Variants in HROB observed in about 807,000 individuals in gnomAD.
HROB encodes the protein homologous recombination OB-fold protein.
HROB carries 44 observed loss-of-function variants against 61.0 expected under a neutral mutation model. The ratio of observed to expected loss-of-function variants is 0.72; its 90% CI spans 0.57 to 0.93. The LOEUF is 0.93. HROB is among the 40% of genes least tolerant of loss of function. The pLI is 0.00. For synonymous variants in HROB, 301 were observed against 310.4 expected, an observed-to-expected ratio of 0.97 and a Z score of 0.32; for missense variants, 716 against 796.2, an observed-to-expected ratio of 0.90 and a Z score of 1.21.
rs762836620 is a variant in HROB, at chr17:44,148,223, TG to T, written c.421del (p.Glu141ArgfsTer62). On this transcript the variant is annotated frameshift_variant, in exon 3 of 10. Transcript: ENST00000585683. LOFTEE classifies it high-confidence loss of function. The part of the protein sequence containing the change: ...SSALHPLLTF[E>X]SQQQQVGGFE... ...CAGCCTTACACCCCCTACTCACCTT[TG>T]AGAGCCAACAGCAGCAAGTTGGTGG... 1.2e-6 allele frequency: 2 copies of T among 1,614,114 alleles called. No homozygotes were observed. The highest frequency in any genetic ancestry group is 3.3e-5 in the Admixed American group (2 of 60,008).
In HROB at chr17:44,150,930, G is replaced by A. The variant is rs200753464; in HGVS notation, c.1225-31G>A. The A allele has an allele frequency of 9.0e-6, 14 of 1,550,720 alleles. No individual in the cohort carries two copies. The African/African-American group carries it at 1.9e-4, about 21-fold the overall frequency. ...CTTGTAAATAACAGCTGCTAAGCTT[G>A]CTCTCATCTTCTCCTTCCCTCCCCT... is the stretch of plus-strand genomic sequence containing the variant. On this transcript the variant is annotated intron_variant, in intron 3 of 9. Coordinates refer to ENST00000585683, the MANE Select transcript of HROB (RefSeq NM_001171251.3).
chr17:44,145,329 T>G, intron 2 of HROB, 76 bp downstream of exon 2: 1 of 1,562,164 alleles, frequency 6.4e-7, no homozygotes, highest in Non-Finnish European at 8.8e-7. Context: ...ACATTTTGGA[T>G]TAGCCTGTAC....
intron 2 of HROB, among the ~76,000 whole-genome samples, chr17:44,146,269 C>A (rs1347459072): frequency 6.6e-6 from 1 of 152,144 alleles, no homozygotes; most frequent in Non-Finnish European, 1.5e-5. Context: ...AGGCTGGTCT[C>A]AAATTCCTGG....
In HROB at chr17:44,148,337, C is replaced by T. The variant is rs368399208; in HGVS notation, c.534C>T (p.Val178=). The T allele has an allele frequency of 4.2e-5, 68 of 1,614,008 alleles. No homozygotes were observed. The highest frequency in any genetic ancestry group is 1.6e-4 in the Middle Eastern group (1 of 6,084). The change falls in exon 3 of 10, where the codon GTC becomes GTT. Residue 178 remains valine, a synonymous_variant. Coordinates refer to ENST00000585683, the MANE Select transcript of HROB (RefSeq NM_001171251.3). The part of the protein sequence containing the change: ...EEPGMELECG[V]SSEAIPILPA... The stretch of plus-strand genomic sequence containing the variant: ...CTGGCATGGAGCTGGAATGTGGAGT[C>T]AGCAGTGAGGCCATACCAATCCTGC...
rs764219272 is a variant in HROB at position 44,145,204 on chromosome 17, C to T, written c.5C>T (p.Ala2Val). ...CCAGTTGGTTTTTTTTCTTTTCAGGCGTGCAGTTTGCAGAAGCTGTTTGCT... is the reference window on the plus strand; with the variant it reads ...CCAGTTGGTTTTTTTTCTTTTCAGGTGTGCAGTTTGCAGAAGCTGTTTGCT... M[A>V]CSLQKLFAVE... The change falls in exon 2 of 10, where the codon GCG becomes GTG. Residue 2 changes from alanine to valine, a missense_variant and splice_region_variant. Ala to Val is a moderately conservative substitution (Grantham distance 64). Coordinates refer to ENST00000585683, the MANE Select transcript of HROB (RefSeq NM_001171251.3). 4.3e-6 allele frequency: 7 copies of T among 1,613,584 alleles called. No individual in the cohort carries two copies. The highest frequency in any genetic ancestry group is 1.1e-5 in the South Asian group (1 of 91,076).
At chr17:44,149,297 G>T (rs934659486) in intron 3 of HROB, among the ~76,000 whole-genome samples, 3 of 151,516 alleles carry the variant, frequency 2.0e-5, no homozygotes, top group Non-Finnish European at 4.4e-5. Flanking sequence ...CATCCAGGCT[G>T]GAGTGCAGTG....
chr17:44,152,488 TA>T (rs2053844297), intron 4 of HROB, 148 bp from the exon 5 acceptor site: 2 of 729,360 alleles, frequency 2.7e-6, no homozygotes, highest in African/African-American at 1.8e-5. Flanking sequence ...GCCTTGGAGA[TA>T]AATGAGAGGA....
intron 2 of HROB, among the ~76,000 whole-genome samples, chr17:44,146,397 A>T (rs1342122804): frequency 6.6e-6 from 1 of 152,080 alleles, no homozygotes; most frequent in Non-Finnish European, 1.5e-5. Context: ...TTTGTCAAGG[A>T]GATGTGTCCT....
chr17:44,154,213 G>A (rs1414668298), intron 5 of HROB: 1 of 225,226 alleles, frequency 4.4e-6, no homozygotes, highest in East Asian at 9.6e-5. Flanking sequence ...GTGGTGGTGG[G>A]CGCCTGTAAT....
At chr17:44,160,925 G>A (rs928663047) in intron 9 of HROB, among the ~76,000 whole-genome samples, 6 of 152,206 alleles carry the variant, frequency 3.9e-5, no homozygotes, top group South Asian at 2.1e-4. Context: ...CTGGTGGGCC[G>A]GGCATGGTGG....
Position 44,162,387 on chromosome 17 carries a change from TTGCTC to T in HROB, c.*461_*465del, listed in dbSNP as rs758536600. ...CTGCTTTGTCTCTTCAGACCTGTGG[TTGCTC>T]TGCTCATCCATGCCCAAGGTTCCCA... On this transcript the variant is annotated 3_prime_UTR_variant, in exon 10 of 10. Transcript: ENST00000585683. The T allele has an allele frequency of 6.0e-6, 1 of 165,514 alleles. No individual in the cohort carries two copies. Among genetic ancestry groups the T allele is most frequent in the Non-Finnish European group, 1.3e-5 (1 of 76,448 alleles). The allele number at this position is 165,514 out of a possible 1,614,324, so 10.3% of individuals were successfully genotyped here. A position where few individuals can be genotyped will look rare whatever the true frequency, so the allele number is the denominator to read the frequency against.
Position 44,147,906 on chromosome 17 carries a change from C to G in HROB, c.103C>G (p.Leu35Val), listed in dbSNP as rs1469277246. 1 of 1,614,114 alleles carries G rather than the reference C, an allele frequency of 6.2e-7. No homozygotes were observed. Among genetic ancestry groups the G allele is most frequent in the Non-Finnish European group, 8.5e-7 (1 of 1,180,010 alleles). ...TGCAGAGAACCGGTTTACTGGCTCA[C>G]TGCCTGTGAATGCTGGGCGCCTGAG... Reference protein sequence around the residue: ...EDAENRFTGSLPVNAGRLRPV... With the variant: ...EDAENRFTGSVPVNAGRLRPV... Residue 35 changes from leucine to valine, a missense_variant, in exon 3 of 10, where the codon CTG becomes GTG. By Grantham distance (32) the Leu-to-Val change is conservative. Coordinates refer to ENST00000585683, the MANE Select transcript of HROB (RefSeq NM_001171251.3).
At position 44,155,371 on chromosome 17, in the gene HROB, G is replaced by A. The variant is rs2053941405; in HGVS notation, c.1730G>A (p.Gly577Glu). The change falls in exon 8 of 10, where the codon GGG (glycine) becomes GAG (glutamate). Residue 577 changes from glycine (G) to glutamate (E), a missense_variant. Gly to Glu is a moderately conservative substitution (Grantham distance 98, BLOSUM62 -2). Coordinates refer to ENST00000585683, the MANE Select transcript of HROB (RefSeq NM_001171251.3). ...NLVHIYSPDS[G>E]DGSFLKPSQP... ...GTCCATATTTACAGCCCGGATTCTG[G>A]GGATGGGAGCTTCCTCAAGCCATCT... 6.2e-7 allele frequency: 1 copy of A among 1,614,148 alleles called. No individual in the cohort carries two copies. The highest frequency in any genetic ancestry group is 8.5e-7 in the Non-Finnish European group (1 of 1,180,042).
At chr17:44,151,249 T>C (rs913563978) in intron 4 of HROB, among the ~76,000 whole-genome samples, 5 of 152,174 alleles carry the variant, frequency 3.3e-5, no homozygotes, top group African/African-American at 1.2e-4. Flanking sequence ...AGGTAGGTAT[T>C]ATCTGATGCC....
chr17:44,150,942 T>A lies in HROB; in HGVS notation c.1225-19T>A. On this transcript the variant is annotated intron_variant, in intron 3 of 9. Coordinates refer to ENST00000585683, the MANE Select transcript of HROB (RefSeq NM_001171251.3). ...AGCTGCTAAGCTTGCTCTCATCTTC[T>A]CCTTCCCTCCCCTCTTAGCAGAGTG... is the stretch of plus-strand genomic sequence containing the variant. The A allele has an allele frequency of 6.3e-7, 1 of 1,593,426 alleles. No individual in the cohort carries two copies. Among genetic ancestry groups the A allele is most frequent in the Non-Finnish European group, 8.6e-7 (1 of 1,163,052 alleles).
At chr17:44,147,076 C>T (rs568287720) in intron 2 of HROB, among the ~76,000 whole-genome samples, 1 of 151,866 alleles carries the variant, frequency 6.6e-6, no homozygotes, top group African/African-American at 2.4e-5. Flanking sequence ...AGAGAGCACA[C>T]GAGTGTGTAT....
chr17:44,142,269 C>A, intron 1 of HROB, 124 bp downstream of exon 1: 2 of 1,249,374 alleles, frequency 1.6e-6, no homozygotes, highest in Non-Finnish European at 2.1e-6. Context: ...GGGGGTTCGG[C>A]GGAGTCGGGA....
rs2054165349 is a variant in HROB at position 44,162,352 on chromosome 17, C to T, written c.*420C>T. The T allele has an allele frequency of 5.5e-6, 1 of 182,434 alleles. No homozygotes were observed. Among genetic ancestry groups the T allele is most frequent in the South Asian group, 1.2e-4 (1 of 8,498 alleles). 11.3% of individuals were successfully genotyped at this position (182,434 alleles called of 1,614,324 possible). A position where few individuals can be genotyped will look rare whatever the true frequency, so the allele number is the denominator to read the frequency against. On this transcript the variant is annotated 3_prime_UTR_variant, in exon 10 of 10. Coordinates refer to ENST00000585683, the MANE Select transcript of HROB (RefSeq NM_001171251.3). The stretch of plus-strand genomic sequence containing the variant: ...CCTCCACACAGGGGAGAAGCACGCT[C>T]AGGCTTCCTCTGCTTTGTCTCTTCA...
Position 44,142,133 on chromosome 17 carries a change from C to A in HROB, c.-10C>A. 1 of 1,529,418 alleles carries A rather than the reference C, an allele frequency of 6.5e-7. No individual in the cohort carries two copies. The allele number at this position is 1,529,418 out of a possible 1,614,324, so 94.7% of individuals were successfully genotyped here. On this transcript the variant is annotated 5_prime_UTR_variant, in exon 1 of 10. Transcript: ENST00000585683. Reference sequence around the variant, plus strand: ...GCCAACCTCCCCGCCGAGGCCCACCCGCCGTCGCTATGGTAATGCCGCGCC... The same window carrying A: ...GCCAACCTCCCCGCCGAGGCCCACCAGCCGTCGCTATGGTAATGCCGCGCC...
Sources: allele counts gnomAD v4.1 joint callset (sites outside exome capture counted in the v4.1 genomes callset), GRCh38; gene constraint gnomAD v4.1.1; transcripts MANE v1.5; gene names NCBI Gene and HGNC (gene_info 2026-07-23, HGNC 2026-07-21).